Variants in FREM1 observed in about 807,000 individuals in gnomAD.
The protein encoded by FREM1 is FRAS1 related extracellular matrix 1.
Under a neutral mutation model 210.1 loss-of-function variants are expected in FREM1, and 220 were observed. The ratio of observed to expected loss-of-function variants is 1.05; its 90% CI spans 0.94 to 1.17. The LOEUF (loss-of-function observed/expected upper bound fraction) is 1.17, where lower values mean the gene tolerates loss of function less well. FREM1 is among the 50% of genes most tolerant of loss of function. The pLI is 0.00. For missense variants in FREM1, 3,454 were observed against 2,675.5 expected, an observed-to-expected ratio of 1.29 and a Z score of -6.42; for synonymous variants, 1,189 against 980.2, an observed-to-expected ratio of 1.21 and a Z score of -3.98.
chr9:14,842,656 C>T lies in FREM1; in HGVS notation c.1398G>A (p.Gly466=), dbSNP rs933339253. Residue 466 remains glycine (G), a synonymous_variant, in exon 9 of 37, where the codon GGG becomes GGA. Coordinates refer to ENST00000380880, the MANE Select transcript of FREM1 (RefSeq NM_001379081.2). ...CAGCCACGGTGAAGAGAAACCCTTTCCCCCCTGAGGGAGAGAGCAGAGATG... is the reference window on the plus strand; with the variant it reads ...CAGCCACGGTGAAGAGAAACCCTTTTCCCCCTGAGGGAGAGAGCAGAGATG... ...LQHGWLTLRG[G]KGFLFTVADL... The T allele has an allele frequency of 4.3e-6, 7 of 1,611,020 alleles. No homozygotes were observed. The highest frequency in any genetic ancestry group is 5.9e-6 in the Non-Finnish European group (7 of 1,178,144).
At chr9:14,899,605 T>A (rs748599432) in intron 1 of FREM1, among the ~76,000 whole-genome samples, 4 of 152,150 alleles carry the variant, frequency 2.6e-5, no homozygotes, top group Admixed American at 6.5e-5. Flanking sequence ...CACCAGTAAG[T>A]CAGAGAAACA....
At position 14,746,463 on chromosome 9, in the gene FREM1, C is replaced by T. The variant is rs151184853; in HGVS notation, c.6144G>A (p.Val2048=). The T allele has an allele frequency of 9.3e-5, 150 of 1,612,332 alleles. No individual in the cohort carries two copies. Among genetic ancestry groups the T allele is most frequent in the Non-Finnish European group, 1.1e-4 (134 of 1,178,464 alleles). Residue 2048 remains valine, a synonymous_variant, in exon 35 of 37, where the codon GTG becomes GTA. Coordinates refer to ENST00000380880, the MANE Select transcript of FREM1 (RefSeq NM_001379081.2). ...ACCCGGCTGGACAGGATTTGTCTTC[C>T]ACATCCTGAAAAACAGTTGTCTGTG... is the stretch of plus-strand genomic sequence containing the variant. The part of the protein sequence containing the change: ...WKAWSPQTKD[V]EDKSCPAGWH...
In FREM1 at chr9:14,824,181, C is replaced by T. The variant is rs951245057; in HGVS notation, c.2079-66G>A. On this transcript the variant is annotated intron_variant, in intron 11 of 36. Coordinates refer to ENST00000380880, the MANE Select transcript of FREM1 (RefSeq NM_001379081.2). ...GTAAGAAAAATGAAATCGAATAGCC[C>T]ACAATCAAAAACTGAAAGACTTCAT... 3.0e-6 allele frequency: 3 copies of T among 992,640 alleles called. No homozygotes were observed. The African/African-American group carries it at 4.9e-5, about 16-fold the overall frequency. The allele number at this position is 992,640 out of a possible 1,614,324, so 61.5% of individuals were successfully genotyped here.
intron 20 of FREM1, among the ~76,000 whole-genome samples, chr9:14,799,529 C>T (rs1853118673): frequency 6.6e-6 from 1 of 151,748 alleles, no homozygotes; most frequent in Non-Finnish European, 1.5e-5. Flanking sequence ...ATGACTGTGT[C>T]CAAACTGTAC....
chr9:14,832,911 T>C (rs936294680), intron 10 of FREM1, among the ~76,000 whole-genome samples: 1 of 152,182 alleles, frequency 6.6e-6, no homozygotes, highest in African/African-American at 2.4e-5. Flanking sequence ...AGAAAAGGTA[T>C]CTTAGGTTAG....
intron 21 of FREM1, among the ~76,000 whole-genome samples, chr9:14,794,235 G>T (rs978424062): frequency 6.0e-4 from 91 of 152,248 alleles, no homozygotes; most frequent in African/African-American, 2.2e-3. Flanking sequence ...GGAGAGAAAG[G>T]GAAGGAGAAA....
Position 14,797,501 on chromosome 9 carries a change from C to T in FREM1, c.3836G>A (p.Ser1279Asn), listed in dbSNP as rs1852654315. ...IPVNDEKPML[S>N]KKAEIAMNMG... ...GGACTCTTTTCAGGTAGCTTACTTG[C>T]TCAGCATTGGTTTTTCATCATTAAC... The change falls in exon 21 of 37, where the codon AGC (serine) becomes AAC (asparagine). Residue 1279 changes from serine to asparagine, a missense_variant. Transcript: ENST00000380880. The T allele has an allele frequency of 6.2e-7, 1 of 1,604,968 alleles. No homozygotes were observed. The highest frequency in any genetic ancestry group is 8.5e-7 in the Non-Finnish European group (1 of 1,175,442).
intron 13 of FREM1, among the ~76,000 whole-genome samples, chr9:14,821,053 T>A (rs1022212221): frequency 4.6e-5 from 7 of 152,176 alleles, no homozygotes; most frequent in African/African-American, 1.4e-4. Context: ...CCCCGACTCA[T>A]TAGTCATTAG....
rs151140512 is a variant in FREM1 at position 14,896,069 on chromosome 9, G to A, written c.-268+13845C>T. 3.9e-5 allele frequency among the ~76,000 whole-genome samples: 6 copies of A among 152,190 alleles called. No homozygotes were observed. In the East Asian group the frequency reaches 1.2e-3, roughly 29 times the overall value. ...GAGAGGAGGTCAGCACAAGATACAG[G>A]TCATAAAGACCTTGCTGATGAAACA... On this transcript the variant is annotated intron_variant, in intron 1 of 36. Transcript: ENST00000380880.
chr9:14,792,949 T>G (rs1851683774), intron 21 of FREM1, 65 bp from the exon 22 acceptor site: 3 of 993,582 alleles, frequency 3.0e-6, no homozygotes, highest in Admixed American at 5.1e-5. Context: ...AGGGGACACT[T>G]ATATTGACTA....
intron 10 of FREM1, among the ~76,000 whole-genome samples, chr9:14,837,443 CCACACACACACACACATACACATA>C (rs1168151258): frequency 6.8e-6 from 1 of 146,734 alleles, no homozygotes; most frequent in Non-Finnish European, 1.5e-5. Context: ...CTCCTTAAAA[CCACACACACACACACATACACATA>C]CACACACACA....
At chr9:14,795,968 T>A (rs1852295703) in intron 21 of FREM1, among the ~76,000 whole-genome samples, 1 of 152,206 alleles carries the variant, frequency 6.6e-6, no homozygotes, top group African/African-American at 2.4e-5. Context: ...ACAGCCTTCA[T>A]ATTTTCATAT....
intron 27 of FREM1, among the ~76,000 whole-genome samples, chr9:14,768,942 AAACAAACAAACAAAATG>A: frequency 6.6e-6 from 1 of 151,564 alleles, no homozygotes; most frequent in East Asian, 1.9e-4. Context: ...AGGGTATCAA[AAACAAACAAACAAAATG>A]AACAAACAAA....
chr9:14,761,137 C>T (rs1845423643), intron 27 of FREM1, among the ~76,000 whole-genome samples: 1 of 152,124 alleles, frequency 6.6e-6, no homozygotes, highest in South Asian at 2.1e-4. Context: ...ACATATTTCA[C>T]ACACTCTCCA....
Position 14,857,722 on chromosome 9 carries a change from C to T in FREM1, c.659G>A (p.Gly220Asp), listed in dbSNP as rs1829046358. The change falls in exon 5 of 37, where the codon GGT (glycine) becomes GAT (aspartate). Residue 220 changes from glycine to aspartate, a missense_variant. By Grantham distance (94) the Gly-to-Asp change is moderately conservative. Coordinates refer to ENST00000380880, the MANE Select transcript of FREM1 (RefSeq NM_001379081.2). ...SQLRAKLKCPGGSCTPGLKKI... is the reference protein window; with the variant it reads ...SQLRAKLKCPDGSCTPGLKKI... ...CTTTAATCCTGGGGTACAGCTCCCA[C>T]CTGGACACTTCAGTTTTGCTCTCAG... The T allele has an allele frequency of 1.2e-6, 2 of 1,609,308 alleles. No individual in the cohort carries two copies. The highest frequency in any genetic ancestry group is 1.7e-6 in the Non-Finnish European group (2 of 1,177,562).
At chr9:14,820,166 T>C (rs72711377) in intron 13 of FREM1, among the ~76,000 whole-genome samples, 278 of 152,346 alleles carry the variant, frequency 1.8e-3, no homozygotes, top group Non-Finnish European at 3.5e-3. Flanking sequence ...CAAATAAGTC[T>C]AGAAAAAAGT....
intron 27 of FREM1, among the ~76,000 whole-genome samples, chr9:14,763,933 T>C (rs1845954128): frequency 6.6e-6 from 1 of 152,212 alleles, no homozygotes; most frequent in Non-Finnish European, 1.5e-5. Context: ...ATCTTGTTTA[T>C]CCCACTGTCT....
chr9:14,788,840 G>C, intron 23 of FREM1, 79 bp downstream of exon 23: 1 of 1,074,830 alleles, frequency 9.3e-7, no homozygotes, highest in South Asian at 1.8e-5. Flanking sequence ...GAGGGAAAGA[G>C]AGAGAAAGAA....
intron 1 of FREM1, among the ~76,000 whole-genome samples, chr9:14,907,403 T>G (rs529399798): frequency 6.6e-6 from 1 of 152,304 alleles, no homozygotes; most frequent in African/African-American, 2.4e-5. Context: ...AGATGTCTGT[T>G]TAAGCCTCTC....
Sources: gnomAD v4.1 joint callset for allele counts (sites outside exome capture counted in the v4.1 genomes callset) on GRCh38, gnomAD v4.1.1 for gene constraint, MANE v1.5 for transcripts, NCBI Gene and HGNC (gene_info 2026-07-23, HGNC 2026-07-21) for gene names.